Variants in KLHL1 observed in about 807,000 individuals in gnomAD.
KLHL1 encodes kelch like family member 1.
KLHL1 carries 47 observed loss-of-function variants against 77.7 expected under a neutral mutation model. The ratio of observed to expected loss-of-function variants is 0.60; its 90% confidence interval spans 0.48 to 0.77. KLHL1 has a LOEUF of 0.77. Among genes scored for constraint, KLHL1 ranks in the 30% least tolerant of loss-of-function variants. The probability of loss-of-function intolerance (pLI) is 0.00; values close to 1 mark genes in which losing one functional copy is unlikely to be tolerated. For synonymous variants in KLHL1, 360 were observed against 325.2 expected (o/e 1.11, Z -1.15); for missense variants, 925 against 910.8 (o/e 1.02, Z -0.20).
chr13:69,838,297 T>C (rs1375627996), intron 6 of KLHL1, among the ~76,000 whole-genome samples: 1 of 151,840 alleles, frequency 6.6e-6, no homozygotes, highest in African/African-American at 2.4e-5. Flanking sequence ...ATATCATTTA[T>C]TAGAAACAAA....
chr13:69,946,234 C>T (rs544638470), intron 3 of KLHL1, among the ~76,000 whole-genome samples: 20 of 152,006 alleles, frequency 1.3e-4, no homozygotes, highest in East Asian at 3.9e-4. Context: ...AAACATTTGA[C>T]GATTATAGAT....
intron 9 of KLHL1, among the ~76,000 whole-genome samples, chr13:69,717,174 A>G (rs1872804143): frequency 6.6e-6 from 1 of 152,138 alleles, no homozygotes. Context: ...TCCTTGTGAT[A>G]TAATAAAATG....
chr13:69,763,418 A>G (rs1260772446), intron 7 of KLHL1, among the ~76,000 whole-genome samples: 3 of 152,182 alleles, frequency 2.0e-5, no homozygotes, highest in African/African-American at 4.8e-5. Flanking sequence ...TCTCGATATT[A>G]TCTTCCTGAT....
chr13:69,963,811 G>C (rs1333351229), intron 2 of KLHL1, among the ~76,000 whole-genome samples: 4 of 152,006 alleles, frequency 2.6e-5, no homozygotes, highest in African/African-American at 9.7e-5. Context: ...TCGGCTTTAA[G>C]CTGGTATCAA....
chr13:69,896,190 A>G (rs1368022503), intron 4 of KLHL1, among the ~76,000 whole-genome samples: 1 of 151,944 alleles, frequency 6.6e-6, no homozygotes, highest in African/African-American at 2.4e-5. Context: ...TGGCAGGTTG[A>G]ATTCTTCTCA....
At chr13:69,782,669 A>G (rs931597720) in intron 7 of KLHL1, among the ~76,000 whole-genome samples, 3 of 152,210 alleles carry the variant, frequency 2.0e-5, no homozygotes, top group Non-Finnish European at 2.9e-5. Context: ...CAGGAAGCTC[A>G]AACTGGGTGG....
At chr13:69,965,481 T>A (rs1231510664) in intron 2 of KLHL1, among the ~76,000 whole-genome samples, 3 of 152,074 alleles carry the variant, frequency 2.0e-5, no homozygotes, top group African/African-American at 7.2e-5. Flanking sequence ...TTTCTCCCCT[T>A]CTCCATGGGT....
At chr13:69,951,127 T>C (rs1883694622) in intron 3 of KLHL1, among the ~76,000 whole-genome samples, 1 of 151,634 alleles carries the variant, frequency 6.6e-6, no homozygotes, top group Non-Finnish European at 1.5e-5. Flanking sequence ...CTAATTGGTA[T>C]GTCATTTCTA....
At chr13:70,077,439 G>A (rs1428752923) in intron 1 of KLHL1, among the ~76,000 whole-genome samples, 1 of 151,950 alleles carries the variant, frequency 6.6e-6, no homozygotes, top group African/African-American at 2.4e-5. Context: ...AAAATTAGTC[G>A]TTGAAGAGTT....
chr13:69,936,445 C>A (rs954056181), intron 4 of KLHL1, among the ~76,000 whole-genome samples: 1 of 151,790 alleles, frequency 6.6e-6, no homozygotes, highest in Non-Finnish European at 1.5e-5. Context: ...AAAAATTAGC[C>A]AGGTGTGGTG....
intron 9 of KLHL1, among the ~76,000 whole-genome samples, chr13:69,716,467 A>T (rs2137888567): frequency 6.6e-6 from 1 of 152,332 alleles, no homozygotes; most frequent in South Asian, 2.1e-4. Context: ...CAGAGAAATA[A>T]AACTCAATTT....
chr13:69,939,346 T>TATATATATATATATATATAC, intron 4 of KLHL1, among the ~76,000 whole-genome samples: 1 of 35,572 alleles, frequency 2.8e-5, no homozygotes, highest in African/African-American at 1.4e-4. Context: ...CATACATATA[T>TATATATATATATATATATAC]ATATATATAT....
chr13:69,761,866 A>C (rs1303171665), intron 7 of KLHL1, among the ~76,000 whole-genome samples: 2 of 152,312 alleles, frequency 1.3e-5, no homozygotes, highest in African/African-American at 4.8e-5. Context: ...AAAATGATCC[A>C]AATTATATTA....
At chr13:69,811,235 T>C (rs1255133439) in intron 6 of KLHL1, among the ~76,000 whole-genome samples, 1 of 152,084 alleles carries the variant, frequency 6.6e-6, no homozygotes, top group Non-Finnish European at 1.5e-5. Context: ...AACAAAATGC[T>C]AGCAAATCTG....
chr13:70,060,771 G>A (rs748160077), intron 1 of KLHL1, among the ~76,000 whole-genome samples: 1 of 152,010 alleles, frequency 6.6e-6, no homozygotes, highest in African/African-American at 2.4e-5. Context: ...ACTTGAACCT[G>A]GGAGGCAGAG....
chr13:69,756,362 C>T (rs1743803998), intron 7 of KLHL1, among the ~76,000 whole-genome samples: 1 of 152,210 alleles, frequency 6.6e-6, no homozygotes, highest in East Asian at 1.9e-4. Context: ...GATTTTGTGA[C>T]TAAAATGAAT....
chr13:69,753,013 C>T (rs1237958255), intron 7 of KLHL1, among the ~76,000 whole-genome samples: 1 of 152,106 alleles, frequency 6.6e-6, no homozygotes, highest in Non-Finnish European at 1.5e-5. Flanking sequence ...GAACTGGAGA[C>T]TTTGCCTCTA....
intron 1 of KLHL1, among the ~76,000 whole-genome samples, chr13:70,077,680 T>A (rs1887297241): frequency 6.6e-6 from 1 of 152,012 alleles, no homozygotes; most frequent in African/African-American, 2.4e-5. Flanking sequence ...AATTGGAGGA[T>A]AATGGGAAGG....
At chr13:69,946,016 A>G (rs1172900720) in intron 3 of KLHL1, among the ~76,000 whole-genome samples, 1 of 152,218 alleles carries the variant, frequency 6.6e-6, no homozygotes, top group Non-Finnish European at 1.5e-5. Flanking sequence ...ATTATTGATT[A>G]TGAAATACCA....
Sources: allele counts gnomAD v4.1 joint callset (sites outside exome capture counted in the v4.1 genomes callset), GRCh38; gene constraint gnomAD v4.1.1; transcripts MANE v1.5; gene names NCBI Gene and HGNC (gene_info 2026-07-23, HGNC 2026-07-21).